Variants in ST8SIA6 observed in about 807,000 individuals in gnomAD.
ST8SIA6 encodes alpha-2,8-sialyltransferase 8F.
A neutral mutation model predicts 33.6 loss-of-function variants in ST8SIA6; 39 were observed. The ratio of observed to expected loss-of-function variants is 1.16; its 90% CI spans 0.90 to 1.52. The LOEUF is 1.52. ST8SIA6 is among the 40% of genes most tolerant of loss of function. The pLI is 0.00. For missense variants in ST8SIA6, 441 were observed against 443.8 expected, an observed-to-expected ratio of 0.99 and a Z score of 0.06; for synonymous variants, 172 against 167.2, an observed-to-expected ratio of 1.03 and a Z score of -0.22.
Position 17,453,630 on chromosome 10 carries a change from G to A in ST8SIA6, c.129C>T (p.Ala43=). Reference sequence around the variant, plus strand: ...TCAGCGCTGCGGGGGTGCCGTGGGTGGCCTCCCTGCTTTCCTCCACCAGAA... The same window carrying A: ...TCAGCGCTGCGGGGGTGCCGTGGGTAGCCTCCCTGCTTTCCTCCACCAGAA... The part of the protein sequence containing the change: ...ARILVEESRE[A]THGTPAALRT... Residue 43 remains alanine, a synonymous_variant, in exon 2 of 8, where the codon GCC becomes GCT. Coordinates refer to ENST00000377602, the MANE Select transcript of ST8SIA6 (RefSeq NM_001004470.3). The A allele has an allele frequency of 7.5e-7, 1 of 1,325,502 alleles. No homozygotes were observed. Among genetic ancestry groups the A allele is most frequent in the Non-Finnish European group, 9.7e-7 (1 of 1,030,296 alleles). The allele number at this position is 1,325,502 out of a possible 1,614,324, so 82.1% of individuals were successfully genotyped here.
At chr10:17,416,638 C>T (rs1462766634) in intron 2 of ST8SIA6, among the ~76,000 whole-genome samples, 2 of 152,174 alleles carry the variant, frequency 1.3e-5, no homozygotes, top group Non-Finnish European at 1.5e-5. Flanking sequence ...GACGATTCAG[C>T]CGTAAATCCA....
At chr10:17,434,206 T>C (rs1465773947) in intron 2 of ST8SIA6, among the ~76,000 whole-genome samples, 1 of 152,196 alleles carries the variant, frequency 6.6e-6, no homozygotes, top group Non-Finnish European at 1.5e-5. Flanking sequence ...TTCTTGGGAC[T>C]ATGTCCACAG....
intron 4 of ST8SIA6, among the ~76,000 whole-genome samples, chr10:17,339,374 C>A (rs1418789719): frequency 6.6e-6 from 1 of 152,110 alleles, no homozygotes; most frequent in Non-Finnish European, 1.5e-5. Context: ...GAAAAAGTTC[C>A]CATAAGGTAG....
At chr10:17,421,963 T>C (rs919844178) in intron 2 of ST8SIA6, among the ~76,000 whole-genome samples, 1 of 152,162 alleles carries the variant, frequency 6.6e-6, no homozygotes, top group Non-Finnish European at 1.5e-5. Flanking sequence ...ATTCTGCAAG[T>C]GTTTGCTTTA....
Position 17,317,400 on chromosome 10 carries a change from T to C in ST8SIA6, c.*3478A>G, listed in dbSNP as rs1847809969. Among the ~76,000 whole-genome samples the C allele has an allele frequency of 2.0e-5, 3 of 152,136 alleles. No homozygotes were observed. On this transcript the variant is annotated 3_prime_UTR_variant, in exon 8 of 8. Transcript: ENST00000377602. ...TCAGCCTTCTGAAGCCACATGTAAA[T>C]AGGAAATCTTCAACACTCCTAGCAG...
chr10:17,327,131 C>T lies in ST8SIA6; in HGVS notation c.523-5G>A. ...GTAGTCCACAAAAGGCTGGGACTAG[C>T]AGGAGAAAGTGGAAAACTACCATGA... On this transcript the variant is annotated splice_region_variant and splice_polypyrimidine_tract_variant and intron_variant, in intron 5 of 7. Coordinates refer to ENST00000377602, the MANE Select transcript of ST8SIA6 (RefSeq NM_001004470.3). The T allele has an allele frequency of 3.8e-6, 6 of 1,588,406 alleles. No homozygotes were observed. The highest frequency in any genetic ancestry group is 5.1e-6 in the Non-Finnish European group (6 of 1,169,616).
chr10:17,453,757 A>G, intron 1 of ST8SIA6, 100 bp from the exon 2 acceptor site: 1 of 942,412 alleles, frequency 1.1e-6, no homozygotes, highest in Non-Finnish European at 1.4e-6. Flanking sequence ...GAGATCTCGC[A>G]CTCCCCGGCT....
intron 2 of ST8SIA6, among the ~76,000 whole-genome samples, chr10:17,403,197 G>A (rs963113432): frequency 3.9e-5 from 6 of 152,256 alleles, no homozygotes; most frequent in Admixed American, 3.9e-4. Flanking sequence ...GCTTGCCTCA[G>A]TTGCCTGAAG....
At chr10:17,444,618 C>T (rs1358091067) in intron 2 of ST8SIA6, among the ~76,000 whole-genome samples, 2 of 152,192 alleles carry the variant, frequency 1.3e-5, no homozygotes, top group Non-Finnish European at 2.9e-5. Flanking sequence ...GCAGCCCATA[C>T]TCTGTAGCCC....
At chr10:17,350,397 A>G (rs1025738335) in intron 4 of ST8SIA6, among the ~76,000 whole-genome samples, 5 of 152,176 alleles carry the variant, frequency 3.3e-5, no homozygotes, top group East Asian at 1.9e-4. Context: ...CTTCACACCA[A>G]AGGAGTAGTT....
chr10:17,412,896 G>A (rs1333712079), intron 2 of ST8SIA6, among the ~76,000 whole-genome samples: 1 of 152,156 alleles, frequency 6.6e-6, no homozygotes, highest in Non-Finnish European at 1.5e-5. Context: ...CAAGTATACT[G>A]ATTTGATATT....
chr10:17,331,575 G>C (rs368798203), intron 4 of ST8SIA6, 23 bp from the exon 5 acceptor site: 15 of 1,590,512 alleles, frequency 9.4e-6, no homozygotes, highest in Non-Finnish European at 1.3e-5. Flanking sequence ...AGGATGAAAA[G>C]GAAGCCAAAG....
intron 2 of ST8SIA6, among the ~76,000 whole-genome samples, chr10:17,390,849 T>G: frequency 6.9e-6 from 1 of 145,112 alleles, no homozygotes; most frequent in Non-Finnish European, 1.5e-5. Flanking sequence ...AAGAGAACTC[T>G]ATTTTGAAGA....
At chr10:17,363,306 G>GTC (rs1055582194) in intron 3 of ST8SIA6, among the ~76,000 whole-genome samples, 56 of 152,204 alleles carry the variant, frequency 3.7e-4, no homozygotes, top group African/African-American at 1.3e-3. Context: ...GTGTGTGTGT[G>GTC]TGTCCTGTTA....
chr10:17,359,699 T>C (rs1409326350), intron 3 of ST8SIA6, 99 bp from the exon 4 acceptor site: 4 of 612,248 alleles, frequency 6.5e-6, no homozygotes, highest in Non-Finnish European at 5.3e-6. Context: ...TCTATAAATA[T>C]TTTTTGATAT....
intron 4 of ST8SIA6, among the ~76,000 whole-genome samples, chr10:17,341,209 A>T (rs1049106452): frequency 6.6e-6 from 1 of 152,242 alleles, no homozygotes; most frequent in Non-Finnish European, 1.5e-5. Flanking sequence ...ACAGAGATAC[A>T]TACAACTCTA....
intron 2 of ST8SIA6, among the ~76,000 whole-genome samples, chr10:17,396,151 A>T (rs1451409619): frequency 6.6e-6 from 1 of 152,142 alleles, no homozygotes; most frequent in Non-Finnish European, 1.5e-5. Context: ...ACTGTGCAAG[A>T]TTATTTTTCT....
intron 3 of ST8SIA6, among the ~76,000 whole-genome samples, chr10:17,378,696 T>C (rs1255905300): frequency 6.6e-6 from 1 of 152,106 alleles, no homozygotes; most frequent in Admixed American, 6.5e-5. Context: ...CTACTTTAAG[T>C]CCACCCCCAA....
chr10:17,354,410 G>A (rs535975071), intron 4 of ST8SIA6, among the ~76,000 whole-genome samples: 1 of 152,244 alleles, frequency 6.6e-6, no homozygotes, highest in Non-Finnish European at 1.5e-5. Context: ...GTCCTTGGAG[G>A]GAAGGGGGTG....
Sources: gnomAD v4.1 joint callset for allele counts (sites outside exome capture counted in the v4.1 genomes callset) on GRCh38, gnomAD v4.1.1 for gene constraint, MANE v1.5 for transcripts, NCBI Gene and HGNC (gene_info 2026-07-23, HGNC 2026-07-21) for gene names.